The following UBE2B variants were observed in gnomAD, a reference collection of about 807,000 sequenced individuals.
UBE2B encodes ubiquitin conjugating enzyme E2 B, also known as ubiquitin-conjugating enzyme E2 B.
UBE2B carries 11 observed loss-of-function variants against 24.6 expected under a neutral mutation model. The observed-to-expected ratio is 0.45, with a 90% CI of 0.28 to 0.74. UBE2B has a LOEUF of 0.74. UBE2B is among the 30% of genes least tolerant of loss of function. The pLI is 0.13. For synonymous variants in UBE2B, 68 were observed against 62.4 expected, an observed-to-expected ratio of 1.09 and a Z score of -0.42; for missense variants, 78 against 185.6, an observed-to-expected ratio of 0.42 and a Z score of 3.37.
At chr5:134,378,963 G>A (rs1758655795) in intron 3 of UBE2B, among the ~76,000 whole-genome samples, 1 of 151,506 alleles carries the variant, frequency 6.6e-6, no homozygotes, top group Non-Finnish European at 1.5e-5. Context: ...GGGGATCTAA[G>A]TGGGTTGTTA....
rs1253259083 is a variant in UBE2B, at chr5:134,380,612, TACTA to T, written c.152-103_152-100del. The stretch of plus-strand genomic sequence containing the variant: ...TTTGTATGCCGAACCAACGTTGACA[TACTA>T]ACTTTTATGTGGTTGTACAAAAACC... On this transcript the variant is annotated intron_variant, in intron 3 of 5. Transcript: ENST00000265339. 5.4e-5 allele frequency: 37 copies of T among 688,648 alleles called. No individual in the cohort carries two copies. In the East Asian group the frequency reaches 5.9e-4, roughly 11 times the overall value. 42.7% of individuals were successfully genotyped at this position (688,648 alleles called of 1,614,324 possible).
rs1423285875 is a variant in UBE2B at position 134,390,175 on chromosome 5, G to A, written c.331-50G>A. 18 of 1,608,692 alleles carry A rather than the reference G, an allele frequency of 1.1e-5. No homozygotes were observed. The South Asian group carries it at 1.4e-4, about 13-fold the overall frequency. ...ATATATTCCATATCTGACCCCTGTT[G>A]GTATAAAGAACAACTATGCAAATCT... On this transcript the variant is annotated intron_variant, in intron 5 of 5. Coordinates refer to ENST00000265339, the MANE Select transcript of UBE2B (RefSeq NM_003337.4). The surrounding 1 kb of genome is among the most constrained non-coding windows in gnomAD (Gnocchi z 4.6).
At chr5:134,375,797 C>CA (rs775635194) in intron 2 of UBE2B, among the ~76,000 whole-genome samples, 2,703 of 29,812 alleles carry the variant, frequency 0.091, 520 homozygotes, top group Non-Finnish European at 0.15. Context: ...GACTCCGTCT[C>CA]AAAAAAAAAA....
At chr5:134,388,264 G>A in intron 4 of UBE2B, 61 bp from the exon 5 acceptor site, 1 of 1,401,970 alleles carries the variant, frequency 7.1e-7, no homozygotes, top group South Asian at 1.2e-5. Context: ...GTTTGGTAAA[G>A]ATTTCTCTTA....
chr5:134,378,945 A>C (rs1758655350), intron 3 of UBE2B, among the ~76,000 whole-genome samples: 1 of 151,962 alleles, frequency 6.6e-6, no homozygotes, highest in Admixed American at 6.6e-5. Context: ...AAAAAAAAAA[A>C]ACAGTGGGGG....
rs1284823670 is a variant in UBE2B at position 134,390,061 on chromosome 5, A to G, written c.331-164A>G. ...AGCAGCAGGAAACCCCATAGTATTTATCAAATCATTTCTAAAAGTATTTAG... is the reference window on the plus strand; with the variant it reads ...AGCAGCAGGAAACCCCATAGTATTTGTCAAATCATTTCTAAAAGTATTTAG... On this transcript the variant is annotated intron_variant, in intron 5 of 5. Transcript: ENST00000265339. The surrounding 1 kb of genome is among the most constrained non-coding windows in gnomAD (Gnocchi z 4.6). 1 of 785,350 alleles carries G rather than the reference A, an allele frequency of 1.3e-6. No homozygotes were observed. Among genetic ancestry groups the G allele is most frequent in the Non-Finnish European group, 2.1e-6 (1 of 484,598 alleles). The allele number at this position is 785,350 out of a possible 1,614,324, so 48.6% of individuals were successfully genotyped here.
intron 2 of UBE2B, among the ~76,000 whole-genome samples, chr5:134,375,143 C>G (rs1758577237): frequency 1.3e-5 from 2 of 152,126 alleles, no homozygotes; most frequent in Admixed American, 1.3e-4. Flanking sequence ...TCTGTTGGAG[C>G]TGTTAAAAGG....
chr5:134,372,322 C>G (rs558311632), intron 1 of UBE2B, among the ~76,000 whole-genome samples: 1 of 152,178 alleles, frequency 6.6e-6, no homozygotes, highest in African/African-American at 2.4e-5. Context: ...TATAGCCTCC[C>G]GAGTCTGGAA....
chr5:134,376,348 A>AAAAAAAATAT (rs1554114145), intron 2 of UBE2B, among the ~76,000 whole-genome samples: 1 of 4,772 alleles, frequency 2.1e-4, no homozygotes, highest in African/African-American at 4.4e-4. Context: ...AAAAAAAAAA[A>AAAAAAAATAT]ATATATATAT....
intron 4 of UBE2B, among the ~76,000 whole-genome samples, chr5:134,382,991 C>T (rs1758733433): frequency 6.6e-6 from 1 of 151,664 alleles, no homozygotes; most frequent in Non-Finnish European, 1.5e-5. Flanking sequence ...GTGGTGAAAC[C>T]TCATCTCTAC....
chr5:134,380,894 T>C, intron 4 of UBE2B, 86 bp downstream of exon 4: 2 of 859,512 alleles, frequency 2.3e-6, no homozygotes, highest in Non-Finnish European at 3.9e-6. Flanking sequence ...TACTTTTTAC[T>C]GTTAGGGCTC....
At chr5:134,384,757 G>A (rs1042025876) in intron 4 of UBE2B, among the ~76,000 whole-genome samples, 5 of 152,010 alleles carry the variant, frequency 3.3e-5, no homozygotes, top group Admixed American at 2.0e-4. Context: ...CAACTCAAAT[G>A]GTTTTTAGCA....
In UBE2B at chr5:134,378,149, G is replaced by A. The variant is rs182488440; in HGVS notation, c.151+1455G>A. ...GGAGCCACTGAGCTCCAGCCTGGGT[G>A]ACAGAGTGAGACCTTGTCTTTAAAA... On this transcript the variant is annotated intron_variant, in intron 3 of 5. Coordinates refer to ENST00000265339, the MANE Select transcript of UBE2B (RefSeq NM_003337.4). Among the ~76,000 whole-genome samples the A allele has an allele frequency of 2.6e-5, 4 of 152,280 alleles. No individual in the cohort carries two copies. In the East Asian group the frequency reaches 7.7e-4, roughly 29 times the overall value.
At position 134,390,079 on chromosome 5, in the gene UBE2B, G is replaced by C; in HGVS notation, c.331-146G>C. Reference sequence around the variant, plus strand: ...AGTATTTATCAAATCATTTCTAAAAGTATTTAGACCCAAAATTATATGACA... The same window carrying C: ...AGTATTTATCAAATCATTTCTAAAACTATTTAGACCCAAAATTATATGACA... On this transcript the variant is annotated intron_variant, in intron 5 of 5. Coordinates refer to ENST00000265339, the MANE Select transcript of UBE2B (RefSeq NM_003337.4). This position sits in a 1 kb window ranked among gnomAD's most constrained non-coding sequence, Gnocchi z 4.6. 1 of 939,954 alleles carries C rather than the reference G, an allele frequency of 1.1e-6. No individual in the cohort carries two copies. Among genetic ancestry groups the C allele is most frequent in the Non-Finnish European group, 1.6e-6 (1 of 613,046 alleles). The allele number at this position is 939,954 out of a possible 1,614,324, so 58.2% of individuals were successfully genotyped here.
Position 134,378,321 on chromosome 5 carries a change from G to A in UBE2B, c.151+1627G>A, listed in dbSNP as rs546405137. ...CTCACCCAGGCTGGAGTGCAGAGGC[G>A]CAATCTTGGCTCACTGAAGCCTCCG... On this transcript the variant is annotated intron_variant, in intron 3 of 5. Transcript: ENST00000265339. Among the ~76,000 whole-genome samples, 11 of 152,094 alleles carry A rather than the reference G, an allele frequency of 7.2e-5. 1 individual carries two copies. Among genetic ancestry groups the A allele is most frequent in the Admixed American group, 6.5e-4 (10 of 15,268 alleles).
rs1186834088 is a variant in UBE2B, at chr5:134,380,955, ATTTTTTTT to A, written c.241+169_241+176del. 744 of 153,906 alleles carry A rather than the reference ATTTTTTTT, an allele frequency of 4.8e-3. 3 individuals are homozygous for A. The highest frequency in any genetic ancestry group is 0.034 in the African/African-American group (516 of 15,374). 9.5% of individuals were successfully genotyped at this position (153,906 alleles called of 1,614,324 possible). A position where few individuals can be genotyped will look rare whatever the true frequency, so the allele number is the denominator to read the frequency against. Reference sequence around the variant, plus strand: ...ATGTGAGCCACGTATTTTGTTGTGGATTTTTTTTTTTTTTTTTTTTTTTTTTTTTGAGA... The same window carrying A: ...ATGTGAGCCACGTATTTTGTTGTGGATTTTTTTTTTTTTTTTTTTTTGAGA... On this transcript the variant is annotated intron_variant, in intron 4 of 5. Transcript: ENST00000265339.
At chr5:134,372,684 G>A (rs1010726308) in intron 1 of UBE2B, among the ~76,000 whole-genome samples, 7 of 152,124 alleles carry the variant, frequency 4.6e-5, no homozygotes, top group Non-Finnish European at 5.9e-5. Context: ...GCTTCTCTTA[G>A]CCATTTAAAG....
At chr5:134,382,070 A>C (rs1758717905) in intron 4 of UBE2B, among the ~76,000 whole-genome samples, 1 of 152,138 alleles carries the variant, frequency 6.6e-6, no homozygotes, top group South Asian at 2.1e-4. Flanking sequence ...TCCTGTCTCT[A>C]CTAAAAGAAA....
At chr5:134,383,057 C>T (rs1253177024) in intron 4 of UBE2B, among the ~76,000 whole-genome samples, 7 of 151,082 alleles carry the variant, frequency 4.6e-5, no homozygotes, top group Non-Finnish European at 3.0e-5. Context: ...CCCAGCTACT[C>T]GGGAGGCTGA....
Sources: allele counts gnomAD v4.1 joint callset (sites outside exome capture counted in the v4.1 genomes callset), GRCh38; gene constraint gnomAD v4.1.1; non-coding constraint Gnocchi (gnomAD v3.1); transcripts MANE v1.5; gene names NCBI Gene and HGNC (gene_info 2026-07-23, HGNC 2026-07-21).